NT5C3A: variants seen among roughly 807,000 people sequenced by gnomAD.
NT5C3A encodes the protein 5'-nucleotidase, cytosolic IIIA.
A neutral mutation model predicts 40.0 loss-of-function variants in NT5C3A; 23 were observed. That is an observed-to-expected ratio of 0.58 (90% CI 0.41 to 0.81). The LOEUF (loss-of-function observed/expected upper bound fraction) is 0.81, where lower values mean the gene tolerates loss of function less well. Ranked by LOEUF, NT5C3A falls within the 40% of genes least tolerant of loss-of-function variation. The pLI is 0.00. For missense variants in NT5C3A, 328 were observed against 403.0 expected, an observed-to-expected ratio of 0.81 and a Z score of 1.59; for synonymous variants, 130 against 141.4, an observed-to-expected ratio of 0.92 and a Z score of 0.57.
At chr7:33,015,299 G>C (rs1355340757) in intron 8 of NT5C3A, among the ~76,000 whole-genome samples, 25 of 152,172 alleles carry the variant, frequency 1.6e-4, no homozygotes, top group Non-Finnish European at 3.7e-4. Context: ...GGGCATAGTG[G>C]CTCACGCCTG....
At chr7:33,023,946 T>A in intron 3 of NT5C3A, 93 bp downstream of exon 3, 2 of 794,600 alleles carry the variant, frequency 2.5e-6, no homozygotes, top group Non-Finnish European at 4.3e-6. Flanking sequence ...AAGAAGAATT[T>A]TAAAAACCCA....
At position 33,059,654 on chromosome 7, in the gene NT5C3A, A is replaced by G. The variant is rs184923968; in HGVS notation, c.138+2914T>C. Among the ~76,000 whole-genome samples, 189 of 152,348 alleles carry G rather than the reference A, an allele frequency of 1.2e-3. 1 individual carries two copies. Among genetic ancestry groups the G allele is most frequent in the Middle Eastern group, 0.01 (3 of 294 alleles). Reference sequence around the variant, plus strand: ...TTATCTCCCAATTAATAGATGAAAAATGGGAGATTCAGAGAGGTTAAGTAA... The same window carrying G: ...TTATCTCCCAATTAATAGATGAAAAGTGGGAGATTCAGAGAGGTTAAGTAA... On this transcript the variant is annotated intron_variant, in intron 1 of 8. Transcript: ENST00000610140.
At chr7:33,022,656 T>A (rs943985720) in intron 3 of NT5C3A, among the ~76,000 whole-genome samples, 1 of 152,198 alleles carries the variant, frequency 6.6e-6, no homozygotes, top group Non-Finnish European at 1.5e-5. Flanking sequence ...TCTGTAATTT[T>A]GAATTTTCTT....
intron 1 of NT5C3A, among the ~76,000 whole-genome samples, chr7:33,035,189 GTTTTTTTTTTTT>G (rs35769309): frequency 2.8e-5 from 3 of 106,204 alleles, no homozygotes; most frequent in Non-Finnish European, 5.3e-5. Flanking sequence ...TAAGGAATGA[GTTTTTTTTTTTT>G]TTTTTTTTTT....
chr7:33,039,009 ATTAC>A (rs1786762067), intron 1 of NT5C3A: 1 of 420,260 alleles, frequency 2.4e-6, no homozygotes, highest in Admixed American at 2.8e-5. Context: ...CTGGAAAATA[ATTAC>A]TTTGTGTGCT....
chr7:33,029,144 C>A lies in NT5C3A; in HGVS notation c.139-2229G>T, dbSNP rs1786107192. On this transcript the variant is annotated intron_variant, in intron 1 of 8. Transcript: ENST00000610140. ...ATGCAACTAACCTTGATGTAGTAAT[C>A]CTTTTAACTCAACTGGATGAGTTTC... 3.9e-5 allele frequency: 6 copies of A among 152,658 alleles called. No homozygotes were observed. In the South Asian group the frequency reaches 1.2e-3, roughly 31 times the overall value. 9.5% of individuals were successfully genotyped at this position (152,658 alleles called of 1,614,324 possible). A position where few individuals can be genotyped will look rare whatever the true frequency, so the allele number is the denominator to read the frequency against.
intron 8 of NT5C3A, 75 bp downstream of exon 8, chr7:33,015,595 G>T: frequency 3.2e-6 from 3 of 939,596 alleles, no homozygotes; most frequent in South Asian, 1.4e-5. Context: ...TTTCTCAGGT[G>T]ACTATGGCAA....
At chr7:33,026,683 G>A (rs1785959788) in intron 2 of NT5C3A, 134 bp downstream of exon 2, 5 of 620,116 alleles carry the variant, frequency 8.1e-6, no homozygotes, top group Admixed American at 2.6e-5. Context: ...AAATAGAGAT[G>A]GGGTCTCACT....
rs116494174 is a variant in NT5C3A at position 33,020,979 on chromosome 7, G to A, written c.440+293C>T. Among the ~76,000 whole-genome samples the A allele has an allele frequency of 3.9e-3, 337 of 86,986 alleles. 1 individual carries two copies. Among genetic ancestry groups the A allele is most frequent in the African/African-American group, 0.016 (322 of 20,408 alleles). The allele number at this position is 86,986 out of a possible 152,430, so 57.1% of individuals were successfully genotyped here. Reference sequence around the variant, plus strand: ...CTCATACCTTTTCTTTACACATTAAGCCACGTTTTGTTCATATACTTAAAA... The same window carrying A: ...CTCATACCTTTTCTTTACACATTAAACCACGTTTTGTTCATATACTTAAAA... On this transcript the variant is annotated intron_variant, in intron 5 of 8. Coordinates refer to ENST00000610140, the MANE Select transcript of NT5C3A (RefSeq NM_001002010.5).
In NT5C3A at chr7:33,052,955, G is replaced by C. The variant is rs369929084; in HGVS notation, c.138+9613C>G. ...TGAGTACCATTGGTGTAAAACACTA[G>C]TATATGGGATCCTGTATTTCAAAAT... On this transcript the variant is annotated intron_variant, in intron 1 of 8. Transcript: ENST00000610140. Among the ~76,000 whole-genome samples, 4 of 152,132 alleles carry C rather than the reference G, an allele frequency of 2.6e-5. No individual in the cohort carries two copies. In the East Asian group the frequency reaches 7.7e-4, roughly 29 times the overall value.
At chr7:33,017,368 CAAT>C in intron 7 of NT5C3A, 68 bp downstream of exon 7, 1 of 1,248,166 alleles carries the variant, frequency 8.0e-7, no homozygotes, top group Non-Finnish European at 1.1e-6. Context: ...TATTAAGTAA[CAAT>C]AAATAAATTT....
At chr7:33,026,542 G>C (rs763958151) in intron 2 of NT5C3A, among the ~76,000 whole-genome samples, 4 of 151,872 alleles carry the variant, frequency 2.6e-5, no homozygotes, top group Non-Finnish European at 5.9e-5. Context: ...TTTTAGTAGA[G>C]ACAGAGTTTC....
chr7:33,029,432 C>T, intron 1 of NT5C3A: 1 of 343,776 alleles, frequency 2.9e-6, no homozygotes, highest in Non-Finnish European at 5.7e-6. Context: ...TTACAAATAC[C>T]TCAGCTAGTA....
intron 1 of NT5C3A, among the ~76,000 whole-genome samples, chr7:33,059,831 A>G (rs573511735): frequency 6.6e-6 from 1 of 152,214 alleles, no homozygotes; most frequent in Non-Finnish European, 1.5e-5. Flanking sequence ...TGCTAGTGCC[A>G]TAGTTTAAGA....
intron 1 of NT5C3A, among the ~76,000 whole-genome samples, chr7:33,036,900 T>C (rs1020834593): frequency 1.3e-5 from 2 of 152,110 alleles, no homozygotes; most frequent in Non-Finnish European, 2.9e-5. Context: ...CAACCTCTGA[T>C]TCCCGGGTTC....
chr7:33,016,906 T>C (rs1018142636), intron 7 of NT5C3A, among the ~76,000 whole-genome samples: 6 of 151,684 alleles, frequency 4.0e-5, no homozygotes, highest in Non-Finnish European at 5.9e-5. Flanking sequence ...TTTTAGGCTA[T>C]GTGTGGTGGC....
intron 7 of NT5C3A, chr7:33,017,151 C>T (rs1785377713): frequency 5.3e-6 from 2 of 380,150 alleles, no homozygotes; most frequent in East Asian, 9.6e-5. Context: ...CTACTGCACT[C>T]CAGCCTGGGC....
intron 5 of NT5C3A, among the ~76,000 whole-genome samples, chr7:33,020,871 T>C (rs548437592): frequency 1.1e-4 from 17 of 151,918 alleles, no homozygotes; most frequent in African/African-American, 3.9e-4. Context: ...CCTGGAACAC[T>C]GCATTTTGAT....
At chr7:33,016,669 CAAA>C (rs386409862) in intron 7 of NT5C3A, among the ~76,000 whole-genome samples, 1 of 91,868 alleles carries the variant, frequency 1.1e-5, no homozygotes. Flanking sequence ...GACTCCCTCT[CAAA>C]AAAAAAAAAA....
Sources: gnomAD v4.1 joint callset for allele counts (sites outside exome capture counted in the v4.1 genomes callset) on GRCh38, gnomAD v4.1.1 for gene constraint, MANE v1.5 for transcripts, NCBI Gene and HGNC (gene_info 2026-07-23, HGNC 2026-07-21) for gene names.